Variants in PTPRG observed in about 807,000 individuals in gnomAD.
PTPRG encodes receptor-type tyrosine-protein phosphatase gamma.
In PTPRG, 102 loss-of-function variants were observed where a neutral mutation model predicts 165.3. The ratio of observed to expected loss-of-function variants is 0.62; its 90% CI spans 0.53 to 0.73. The LOEUF (loss-of-function observed/expected upper bound fraction) is 0.73, where lower values mean the gene tolerates loss of function less well. PTPRG is among the 30% of genes least tolerant of loss of function. The pLI, the probability that PTPRG is intolerant of heterozygous loss-of-function variation, is 0.00. For missense variants in PTPRG, 1,866 were observed against 1,861.4 expected (o/e 1.00, Z -0.05); for synonymous variants, 675 against 669.5 (o/e 1.01, Z -0.13).
At chr3:62,175,445 G>T (rs1466312615) in intron 8 of PTPRG, among the ~76,000 whole-genome samples, 2 of 152,128 alleles carry the variant, frequency 1.3e-5, no homozygotes, top group African/African-American at 4.8e-5. Context: ...GTAAGCCTAC[G>T]TCTCTTAAAA....
chr3:61,942,195 C>A (rs896449406), intron 2 of PTPRG, among the ~76,000 whole-genome samples: 12 of 151,372 alleles, frequency 7.9e-5, no homozygotes, highest in African/African-American at 2.9e-4. Context: ...AGTTTTGCAT[C>A]ATAAACAGAA....
Position 61,737,581 on chromosome 3 carries a change from G to T in PTPRG, c.86-11297G>T, listed in dbSNP as rs56175337. Reference sequence around the variant, plus strand: ...GGCTATTGAGTGGCTGACCAGCTAGGGTTCAAGTGGTTTCTTCAACCTGGC... The same window carrying T: ...GGCTATTGAGTGGCTGACCAGCTAGTGTTCAAGTGGTTTCTTCAACCTGGC... On this transcript the variant is annotated intron_variant, in intron 1 of 29. Coordinates refer to ENST00000474889, the MANE Select transcript of PTPRG (RefSeq NM_002841.4). Among the ~76,000 whole-genome samples the T allele has an allele frequency of 6.4e-3, 973 of 152,232 alleles. 6 individuals are homozygous for T. The highest frequency in any genetic ancestry group is 0.011 in the Admixed American group (171 of 15,282).
chr3:61,912,609 G>T (rs897207868), intron 2 of PTPRG, among the ~76,000 whole-genome samples: 1 of 152,178 alleles, frequency 6.6e-6, no homozygotes, highest in Non-Finnish European at 1.5e-5. Context: ...TTGTATAGCT[G>T]TTTTTTGATC....
At chr3:62,181,802 A>G (rs943755755) in intron 8 of PTPRG, among the ~76,000 whole-genome samples, 1 of 152,204 alleles carries the variant, frequency 6.6e-6, no homozygotes, top group African/African-American at 2.4e-5. Flanking sequence ...ATTAAATTAC[A>G]AGATCCAGCT....
intron 4 of PTPRG, among the ~76,000 whole-genome samples, chr3:62,043,106 AACAG>A (rs574206154): frequency 2.6e-5 from 4 of 152,200 alleles, no homozygotes; most frequent in Non-Finnish European, 2.9e-5. Flanking sequence ...TTTCATTTTT[AACAG>A]ACAGAAGGCA....
In PTPRG at chr3:62,293,351, T is replaced by G; in HGVS notation, c.*44T>G. 7 of 1,470,586 alleles carry G rather than the reference T, an allele frequency of 4.8e-6. No homozygotes were observed. The highest frequency in any genetic ancestry group is 6.3e-6 in the Non-Finnish European group (7 of 1,110,814). 91.1% of individuals were successfully genotyped at this position (1,470,586 alleles called of 1,614,324 possible). A position where few individuals can be genotyped will look rare whatever the true frequency, so the allele number is the denominator to read the frequency against. The stretch of plus-strand genomic sequence containing the variant: ...ACTTAATTTGTAAACTTCTGAAGAC[T>G]GAGAACTTTTTTGAGGCCTTTTTTG... On this transcript the variant is annotated 3_prime_UTR_variant, in exon 30 of 30. Transcript: ENST00000474889.
intron 4 of PTPRG, among the ~76,000 whole-genome samples, chr3:62,013,404 ACTT>A (rs1395962649): frequency 3.3e-5 from 5 of 152,170 alleles, no homozygotes; most frequent in Admixed American, 6.5e-5. Context: ...GGTAATTTTG[ACTT>A]CTTCTCTTCC....
At chr3:61,855,269 C>T (rs1005631745) in intron 2 of PTPRG, among the ~76,000 whole-genome samples, 2 of 152,160 alleles carry the variant, frequency 1.3e-5, no homozygotes, top group African/African-American at 2.4e-5. Context: ...AGCCGCCTTT[C>T]CTTTTCTTGT....
intron 2 of PTPRG, among the ~76,000 whole-genome samples, chr3:61,923,371 C>A (rs535733174): frequency 2.0e-5 from 3 of 152,048 alleles, no homozygotes; most frequent in African/African-American, 7.2e-5. Context: ...AAATCGCCAG[C>A]GTTTTCCCAA....
intron 8 of PTPRG, 108 bp downstream of exon 8, chr3:62,168,271 CAT>C (rs1705076511): frequency 1.1e-5 from 12 of 1,064,842 alleles, no homozygotes; most frequent in African/African-American, 6.4e-5. Flanking sequence ...GTGTTAAATG[CAT>C]ATGTTTCTCT....
At chr3:62,292,983 A>G (rs372443713) in intron 29 of PTPRG, among the ~76,000 whole-genome samples, 178 bp from the exon 30 acceptor site, 171 of 152,280 alleles carry the variant, frequency 1.1e-3, no homozygotes, top group African/African-American at 3.7e-3. Context: ...TGAAGAAGGT[A>G]TAGGTCTTGA....
At chr3:61,567,820 C>A (rs1219708540) in intron 1 of PTPRG, among the ~76,000 whole-genome samples, 1 of 151,780 alleles carries the variant, frequency 6.6e-6, no homozygotes, top group Non-Finnish European at 1.5e-5. Context: ...CTCATCTCTA[C>A]AAAAAATACA....
At chr3:62,032,467 C>T (rs891658295) in intron 4 of PTPRG, among the ~76,000 whole-genome samples, 7 of 152,134 alleles carry the variant, frequency 4.6e-5, no homozygotes, top group African/African-American at 1.4e-4. Context: ...AGTGGCTAAA[C>T]TGGCAACTCA....
intron 1 of PTPRG, among the ~76,000 whole-genome samples, chr3:61,679,035 G>A (rs1256077784): frequency 6.6e-6 from 1 of 152,106 alleles, no homozygotes; most frequent in African/African-American, 2.4e-5. Context: ...GGAGAGGGAA[G>A]AATATTCACA....
At chr3:61,952,662 C>T (rs905582413) in intron 2 of PTPRG, among the ~76,000 whole-genome samples, 1 of 152,144 alleles carries the variant, frequency 6.6e-6, no homozygotes, top group East Asian at 1.9e-4. Flanking sequence ...ATTTCTGCTT[C>T]CTTACCTTTA....
intron 4 of PTPRG, among the ~76,000 whole-genome samples, chr3:62,016,210 C>T (rs757782891): frequency 9.9e-5 from 15 of 152,110 alleles, no homozygotes; most frequent in Non-Finnish European, 1.6e-4. Context: ...CTCTGTTACC[C>T]AGGTTGGAGT....
At chr3:61,625,331 CA>C in intron 1 of PTPRG, among the ~76,000 whole-genome samples, 1 of 152,148 alleles carries the variant, frequency 6.6e-6, no homozygotes, top group East Asian at 1.9e-4. Context: ...TAAAAAAAAT[CA>C]AATACTTCTT....
intron 2 of PTPRG, among the ~76,000 whole-genome samples, chr3:61,967,947 TGTGA>T (rs1162209987): frequency 1.3e-5 from 2 of 152,154 alleles, no homozygotes; most frequent in Non-Finnish European, 2.9e-5. Context: ...AATAATAGTA[TGTGA>T]GTAAGTTTAG....
intron 2 of PTPRG, among the ~76,000 whole-genome samples, chr3:61,812,432 A>C (rs944950894): frequency 3.3e-5 from 5 of 152,152 alleles, no homozygotes; most frequent in Non-Finnish European, 7.4e-5. Context: ...CAAAACGGGT[A>C]TGTACATTTT....
Sources: gnomAD v4.1 joint callset for allele counts (sites outside exome capture counted in the v4.1 genomes callset) on GRCh38, gnomAD v4.1.1 for gene constraint, MANE v1.5 for transcripts, NCBI Gene and HGNC (gene_info 2026-07-23, HGNC 2026-07-21) for gene names.